Variants in ZNF516 observed in about 807,000 individuals in gnomAD.
ZNF516 encodes the protein zinc finger protein 516.
ZNF516 carries 19 observed loss-of-function variants against 79.7 expected under a neutral mutation model. That is an observed-to-expected ratio of 0.24 (90% CI 0.17 to 0.35). The LOEUF (loss-of-function observed/expected upper bound fraction) is 0.35, where lower values mean the gene tolerates loss of function less well. Ranked by LOEUF, ZNF516 falls within the 10% of genes least tolerant of loss-of-function variation. The pLI is 1.00. For synonymous variants in ZNF516, 877 were observed against 739.5 expected, an observed-to-expected ratio of 1.19 and a Z score of -3.02; for missense variants, 1,678 against 1,679.5, an observed-to-expected ratio of 1.00 and a Z score of 0.02.
chr18:76,437,336 G>T (rs143930751), intron 3 of ZNF516, among the ~76,000 whole-genome samples: 1 of 152,254 alleles, frequency 6.6e-6, no homozygotes, highest in Non-Finnish European at 1.5e-5. Flanking sequence ...CTCTGAGGAC[G>T]GGGCTGCTGG....
At chr18:76,369,642 C>G (rs1447580770) in intron 6 of ZNF516, among the ~76,000 whole-genome samples, 1 of 152,158 alleles carries the variant, frequency 6.6e-6, no homozygotes, top group Non-Finnish European at 1.5e-5. Flanking sequence ...TCATCCTCAC[C>G]AGCAACCAGG....
intron 3 of ZNF516, among the ~76,000 whole-genome samples, chr18:76,437,740 T>C (rs1441110728): frequency 6.6e-6 from 1 of 152,192 alleles, no homozygotes; most frequent in Non-Finnish European, 1.5e-5. Flanking sequence ...ATGTAAATGC[T>C]CTATAAATTC....
chr18:76,443,288 G>A (rs1350920249), intron 2 of ZNF516, 77 bp from the exon 3 acceptor site: 4 of 578,128 alleles, frequency 6.9e-6, no homozygotes, highest in Admixed American at 3.6e-5. Context: ...ACCCCCACAT[G>A]CTCCCCAAAA....
intron 2 of ZNF516, among the ~76,000 whole-genome samples, chr18:76,457,500 G>A (rs971428531): frequency 6.6e-6 from 1 of 152,210 alleles, no homozygotes; most frequent in African/African-American, 2.4e-5. Context: ...CCTGAGCCCA[G>A]GAGTTCAAGA....
chr18:76,441,305 C>G lies in ZNF516; in HGVS notation c.1750G>C (p.Gly584Arg). The change falls in exon 3 of 7, where the codon GGC becomes CGC. Residue 584 changes from glycine (G) to arginine (R), a missense_variant. By Grantham distance (125) the Gly-to-Arg change is moderately radical (BLOSUM62 -2). Coordinates refer to ENST00000443185, the MANE Select transcript of ZNF516 (RefSeq NM_014643.4). ...ACAAADSPGS[G>R]LADEAAEDSG... ...TCTTCGGCAGCCTCGTCGGCCAGGC[C>G]AGAGCCCGGGGAGTCAGCAGCGGCA... 2 of 1,611,544 alleles carry G rather than the reference C, an allele frequency of 1.2e-6. No homozygotes were observed. Among genetic ancestry groups the G allele is most frequent in the Non-Finnish European group, 1.7e-6 (2 of 1,179,514 alleles).
intron 1 of ZNF516, among the ~76,000 whole-genome samples, chr18:76,478,207 G>A (rs1395431792): frequency 3.3e-5 from 5 of 152,116 alleles, no homozygotes; most frequent in Non-Finnish European, 5.9e-5. Context: ...TGAAGACTGC[G>A]GAGAGGAGAG....
chr18:76,374,377 A>G (rs1285348632), intron 4 of ZNF516, among the ~76,000 whole-genome samples: 1 of 152,244 alleles, frequency 6.6e-6, no homozygotes, highest in Admixed American at 6.5e-5. Context: ...GTCACACTGT[A>G]CAATGATTAC....
In ZNF516 at chr18:76,427,025, C is replaced by T. The variant is rs1268580594; in HGVS notation, c.1810+14220G>A. On this transcript the variant is annotated intron_variant, in intron 3 of 6. Transcript: ENST00000443185. ...AGCCCATGGGTCCTGCTATCTGGGC[C>T]CTGAGTAGGGACTGCAAAGGTGAGG... 2.0e-5 allele frequency among the ~76,000 whole-genome samples: 3 copies of T among 152,162 alleles called. No homozygotes were observed. In the East Asian group the frequency reaches 5.8e-4, roughly 29 times the overall value.
intron 1 of ZNF516, among the ~76,000 whole-genome samples, chr18:76,472,479 G>T (rs1651899591): frequency 6.6e-6 from 1 of 152,202 alleles, no homozygotes; most frequent in Non-Finnish European, 1.5e-5. Flanking sequence ...GTATATACAC[G>T]TACACTCAGG....
intron 1 of ZNF516, chr18:76,490,626 T>C (rs927352454): frequency 2.7e-5 from 9 of 338,610 alleles, no homozygotes; most frequent in Admixed American, 2.6e-4. Flanking sequence ...TTTTCTTTAA[T>C]AGTATTTACT....
rs538314639 is a variant in ZNF516 at position 76,391,109 on chromosome 18, T to C, written c.1811-10806A>G. Among the ~76,000 whole-genome samples the C allele has an allele frequency of 3.7e-4, 56 of 152,080 alleles. 1 individual carries two copies. Among genetic ancestry groups the C allele is most frequent in the African/African-American group, 9.9e-4 (41 of 41,478 alleles). On this transcript the variant is annotated intron_variant, in intron 3 of 6. Transcript: ENST00000443185. ...CCAGGGGTCCACAGGAGGACAGAGA[T>C]TGCACAAAGAAATCATTAAGGAGGG...
At chr18:76,397,264 G>A (rs1002574369) in intron 3 of ZNF516, among the ~76,000 whole-genome samples, 40 of 151,994 alleles carry the variant, frequency 2.6e-4, no homozygotes, top group African/African-American at 7.5e-4. Flanking sequence ...AATAATAAAC[G>A]CTGCTGCCAA....
At chr18:76,381,083 G>A (rs2074885667) in intron 3 of ZNF516, among the ~76,000 whole-genome samples, 1 of 152,230 alleles carries the variant, frequency 6.6e-6, no homozygotes, top group Non-Finnish European at 1.5e-5. Flanking sequence ...GCCACAGTCT[G>A]GGATGAACTC....
chr18:76,468,005 C>A (rs544514894), intron 1 of ZNF516, among the ~76,000 whole-genome samples: 1 of 152,166 alleles, frequency 6.6e-6, no homozygotes, highest in African/African-American at 2.4e-5. Context: ...ACGCGACGGA[C>A]GGCCTTGCGG....
intron 3 of ZNF516, among the ~76,000 whole-genome samples, chr18:76,400,796 C>T (rs531409976): frequency 5.9e-5 from 9 of 152,276 alleles, no homozygotes; most frequent in Non-Finnish European, 1.2e-4. Context: ...AAGTTCCAGT[C>T]CACCATGGAT....
intron 3 of ZNF516, among the ~76,000 whole-genome samples, chr18:76,423,189 G>A (rs959582726): frequency 5.9e-5 from 9 of 152,196 alleles, no homozygotes; most frequent in Admixed American, 4.6e-4. Flanking sequence ...ATGCATATAT[G>A]TTCCCAAAAG....
At chr18:76,427,736 C>T (rs2075614146) in intron 3 of ZNF516, among the ~76,000 whole-genome samples, 1 of 152,074 alleles carries the variant, frequency 6.6e-6, no homozygotes, top group East Asian at 1.9e-4. Context: ...ATCAAATCCA[C>T]GATATATAAA....
At chr18:76,420,204 T>C (rs1043850282) in intron 3 of ZNF516, among the ~76,000 whole-genome samples, 3 of 152,238 alleles carry the variant, frequency 2.0e-5, no homozygotes, top group African/African-American at 7.2e-5. Context: ...ATGGTGTAAA[T>C]AAGCTTAAGA....
At chr18:76,407,466 G>A (rs566009999) in intron 3 of ZNF516, among the ~76,000 whole-genome samples, 24 of 152,206 alleles carry the variant, frequency 1.6e-4, no homozygotes, top group Non-Finnish European at 3.1e-4. Flanking sequence ...ACCCAGTAGC[G>A]CAGGTTCAAT....
Sources: gnomAD v4.1 joint callset for allele counts (sites outside exome capture counted in the v4.1 genomes callset) on GRCh38, gnomAD v4.1.1 for gene constraint, MANE v1.5 for transcripts, NCBI Gene and HGNC (gene_info 2026-07-23, HGNC 2026-07-21) for gene names.